Variants in CFAP299 observed in about 807,000 individuals in gnomAD.
CFAP299 encodes the protein cilia and flagella associated protein 299, also known as cilia- and flagella-associated protein 299.
Under a neutral mutation model 27.0 loss-of-function variants are expected in CFAP299, and 21 were observed. That is an observed-to-expected ratio of 0.78 (90% CI 0.55 to 1.12). The LOEUF (loss-of-function observed/expected upper bound fraction) is 1.12. CFAP299 is among the 50% of genes most tolerant of loss of function. CFAP299 has a pLI of 0.00. For missense variants in CFAP299, 310 were observed against 276.6 expected (o/e 1.12, Z -0.86); for synonymous variants, 104 against 98.1 (o/e 1.06, Z -0.36).
intron 3 of CFAP299, among the ~76,000 whole-genome samples, chr4:80,795,756 G>C (rs1727818969): frequency 6.6e-6 from 1 of 152,160 alleles, no homozygotes; most frequent in South Asian, 2.1e-4. Flanking sequence ...ATGATAGACA[G>C]TTCAGGTCGC....
intron 2 of CFAP299, among the ~76,000 whole-genome samples, chr4:80,405,926 T>C (rs941272000): frequency 8.5e-5 from 13 of 152,256 alleles, no homozygotes; most frequent in African/African-American, 2.9e-4. Flanking sequence ...GCCATGACAG[T>C]AGTTATTAAT....
chr4:80,693,513 C>T (rs1451688977), intron 3 of CFAP299, among the ~76,000 whole-genome samples: 1 of 125,880 alleles, frequency 7.9e-6, no homozygotes, highest in African/African-American at 3.1e-5. Context: ...CACATGGACA[C>T]AGGAAGGGGA....
intron 1 of CFAP299, among the ~76,000 whole-genome samples, chr4:80,346,767 G>A (rs1490070712): frequency 6.6e-6 from 1 of 152,082 alleles, no homozygotes; most frequent in African/African-American, 2.4e-5. Context: ...CTCTTTTTTG[G>A]TTCCATATGA....
chr4:80,684,860 T>C (rs1384682175), intron 3 of CFAP299, among the ~76,000 whole-genome samples: 1 of 152,182 alleles, frequency 6.6e-6, no homozygotes, highest in Non-Finnish European at 1.5e-5. Flanking sequence ...CAAAATGATG[T>C]ATCTCTGTTT....
intron 3 of CFAP299, among the ~76,000 whole-genome samples, chr4:80,728,589 A>G (rs1723294299): frequency 6.6e-6 from 1 of 152,186 alleles, no homozygotes; most frequent in Non-Finnish European, 1.5e-5. Context: ...AGAAGCCTGG[A>G]AACTAACCTC....
At chr4:80,640,453 C>A (rs1359366757) in intron 3 of CFAP299, among the ~76,000 whole-genome samples, 2 of 152,124 alleles carry the variant, frequency 1.3e-5, no homozygotes, top group Admixed American at 1.3e-4. Flanking sequence ...CAAAGTAATC[C>A]AATCTCAAGC....
intron 3 of CFAP299, among the ~76,000 whole-genome samples, chr4:80,637,301 A>G (rs1264240475): frequency 6.6e-6 from 1 of 152,232 alleles, no homozygotes; most frequent in Non-Finnish European, 1.5e-5. Context: ...TATAATAGAT[A>G]TAATATAATG....
intron 3 of CFAP299, among the ~76,000 whole-genome samples, chr4:80,632,890 A>T (rs907385823): frequency 6.6e-6 from 1 of 152,194 alleles, no homozygotes; most frequent in Admixed American, 6.5e-5. Flanking sequence ...TAGCTTCTAT[A>T]ATATGAATAA....
At chr4:80,459,668 GA>G (rs943690320) in intron 2 of CFAP299, among the ~76,000 whole-genome samples, 4 of 151,712 alleles carry the variant, frequency 2.6e-5, no homozygotes, top group South Asian at 2.1e-4. Context: ...ACTTAATGAA[GA>G]AAAAAAACAG....
chr4:80,475,703 T>G (rs918595230), intron 2 of CFAP299, among the ~76,000 whole-genome samples: 2 of 152,246 alleles, frequency 1.3e-5, no homozygotes, highest in Admixed American at 6.5e-5. Context: ...AAACTCAATA[T>G]AAAGTCAGGG....
chr4:80,509,090 G>A (rs1732171829), intron 2 of CFAP299, among the ~76,000 whole-genome samples: 1 of 152,128 alleles, frequency 6.6e-6, no homozygotes, highest in Non-Finnish European at 1.5e-5. Flanking sequence ...GGTTACTAAT[G>A]AAGGGGCAGA....
intron 4 of CFAP299, among the ~76,000 whole-genome samples, chr4:80,883,065 C>T (rs1733789103): frequency 7.6e-6 from 1 of 131,518 alleles, no homozygotes; most frequent in African/African-American, 3.9e-5. Flanking sequence ...AGTTAAAAGA[C>T]AAATGCATAA....
chr4:80,787,424 CT>C (rs1366774652), intron 3 of CFAP299, among the ~76,000 whole-genome samples: 1 of 151,574 alleles, frequency 6.6e-6, no homozygotes, highest in Non-Finnish European at 1.5e-5. Context: ...ATTCAGTCAC[CT>C]TTCTTTAAAT....
At chr4:80,517,691 A>G (rs1732652987) in intron 2 of CFAP299, among the ~76,000 whole-genome samples, 1 of 152,066 alleles carries the variant, frequency 6.6e-6, no homozygotes, top group African/African-American at 2.4e-5. Flanking sequence ...TGAGCTGGTG[A>G]TGTTGCAAGC....
At chr4:80,464,473 C>T (rs1729612739) in intron 2 of CFAP299, among the ~76,000 whole-genome samples, 1 of 152,150 alleles carries the variant, frequency 6.6e-6, no homozygotes, top group African/African-American at 2.4e-5. Flanking sequence ...TAAAACTTTG[C>T]TTCTAACATT....
At chr4:80,386,566 A>G in intron 2 of CFAP299, 8 of 1,596,998 alleles carry the variant, frequency 5.0e-6, no homozygotes, top group Non-Finnish European at 6.9e-6. Flanking sequence ...GGGGGCCGAG[A>G]CGACAGCGGT....
At chr4:80,760,462 G>C (rs1393329643) in intron 3 of CFAP299, among the ~76,000 whole-genome samples, 3 of 152,140 alleles carry the variant, frequency 2.0e-5, no homozygotes, top group Non-Finnish European at 4.4e-5. Flanking sequence ...AAGTGTAATG[G>C]CCTTGTGCAA....
intron 2 of CFAP299, among the ~76,000 whole-genome samples, chr4:80,420,745 G>C (rs1727252514): frequency 6.6e-6 from 1 of 152,044 alleles, no homozygotes; most frequent in African/African-American, 2.4e-5. Flanking sequence ...TGTTTCCTTT[G>C]ATGTGTGTCC....
At chr4:80,919,306 A>C (rs1397569898) in intron 4 of CFAP299, among the ~76,000 whole-genome samples, 1 of 152,152 alleles carries the variant, frequency 6.6e-6, no homozygotes. Context: ...CATATGCTTT[A>C]ATAGCCACGT....
Sources: allele counts gnomAD v4.1 joint callset (sites outside exome capture counted in the v4.1 genomes callset), GRCh38; gene constraint gnomAD v4.1.1; transcripts MANE v1.5; gene names NCBI Gene and HGNC (gene_info 2026-07-23, HGNC 2026-07-21).